UNC93A: variants seen among roughly 807,000 people sequenced by gnomAD.
UNC93A encodes the protein unc-93 homolog A.
In UNC93A, 43 loss-of-function variants were observed where a neutral mutation model predicts 47.5. The observed-to-expected ratio is 0.91, with a 90% CI of 0.71 to 1.17. The LOEUF is 1.17. UNC93A is among the 50% of genes most tolerant of loss of function. The pLI, the probability that UNC93A is intolerant of heterozygous loss-of-function variation, is 0.00. For synonymous variants in UNC93A, 280 were observed against 258.0 expected (o/e 1.09, Z -0.82); for missense variants, 605 against 577.6 (o/e 1.05, Z -0.49).
intron 7 of UNC93A, among the ~76,000 whole-genome samples, chr6:167,313,875 A>G (rs1778621636): frequency 6.6e-6 from 1 of 152,154 alleles, no homozygotes; most frequent in Non-Finnish European, 1.5e-5. Flanking sequence ...AGCCAACTAA[A>G]TCAAAATTTG....
At chr6:167,295,691 G>C (rs62438488) in intron 2 of UNC93A, among the ~76,000 whole-genome samples, 1,106 of 38,264 alleles carry the variant, frequency 0.029, 40 homozygotes, top group African/African-American at 0.069. Context: ...CTCCTCGCCT[G>C]CCTCGTGCTC....
At chr6:167,284,078 C>A (rs1002528703) in intron 1 of UNC93A, among the ~76,000 whole-genome samples, 1 of 152,132 alleles carries the variant, frequency 6.6e-6, no homozygotes, top group Non-Finnish European at 1.5e-5. Flanking sequence ...CAAACAAGTG[C>A]GAAACCCAGG....
At chr6:167,279,884 A>T (rs1213458277) in intron 1 of UNC93A, among the ~76,000 whole-genome samples, 1 of 152,244 alleles carries the variant, frequency 6.6e-6, no homozygotes, top group Non-Finnish European at 1.5e-5. Flanking sequence ...TATGACACTC[A>T]GTTGAATTTA....
At chr6:167,306,298 T>G (rs1319079984) in intron 6 of UNC93A, among the ~76,000 whole-genome samples, 1 of 152,176 alleles carries the variant, frequency 6.6e-6, no homozygotes, top group Non-Finnish European at 1.5e-5. Context: ...AAGTGCCTGC[T>G]CCGAGTGGGC....
intron 1 of UNC93A, among the ~76,000 whole-genome samples, chr6:167,274,736 C>T (rs1277085739): frequency 6.6e-6 from 1 of 152,086 alleles, no homozygotes; most frequent in African/African-American, 2.4e-5. Flanking sequence ...AAAACAATAC[C>T]AATGACAACA....
At chr6:167,309,361 T>C (rs1403335875) in intron 7 of UNC93A, among the ~76,000 whole-genome samples, 1 of 151,996 alleles carries the variant, frequency 6.6e-6, no homozygotes, top group Non-Finnish European at 1.5e-5. Flanking sequence ...GTGTTGAAAA[T>C]GACACAGATG....
At chr6:167,314,066 G>T (rs1778625237) in intron 7 of UNC93A, among the ~76,000 whole-genome samples, 1 of 152,164 alleles carries the variant, frequency 6.6e-6, no homozygotes, top group Admixed American at 6.5e-5. Context: ...AAGCGCATCT[G>T]CGTTGGTCTT....
At chr6:167,279,250 G>T (rs73790152) in intron 1 of UNC93A, among the ~76,000 whole-genome samples, 3,021 of 152,204 alleles carry the variant, frequency 0.02, 114 homozygotes, top group African/African-American at 0.069. Flanking sequence ...GATATATATA[G>T]AGAGAGATAG....
At chr6:167,300,775 G>A (rs954952520) in intron 4 of UNC93A, among the ~76,000 whole-genome samples, 1 of 152,108 alleles carries the variant, frequency 6.6e-6, no homozygotes, top group Admixed American at 6.5e-5. Flanking sequence ...GAGGCTGGGG[G>A]ACTCGGGGAC....
intron 1 of UNC93A, among the ~76,000 whole-genome samples, chr6:167,283,385 G>A (rs1404722990): frequency 1.3e-5 from 2 of 152,072 alleles, no homozygotes; most frequent in Admixed American, 6.5e-5. Context: ...AAGCAAGGAG[G>A]GTATAATGAG....
intron 1 of UNC93A, among the ~76,000 whole-genome samples, chr6:167,273,718 G>A (rs1354913374): frequency 7.2e-5 from 11 of 152,132 alleles, no homozygotes; most frequent in African/African-American, 2.7e-4. Context: ...CTGTACATCA[G>A]TTCAGACGGG....
At chr6:167,295,254 G>A (rs919033803) in intron 2 of UNC93A, among the ~76,000 whole-genome samples, 3 of 152,200 alleles carry the variant, frequency 2.0e-5, no homozygotes, top group Non-Finnish European at 4.4e-5. Flanking sequence ...GACCCTGGTT[G>A]TGCCAGGACA....
chr6:167,311,390 C>A (rs920781574), intron 7 of UNC93A, among the ~76,000 whole-genome samples: 1 of 152,206 alleles, frequency 6.6e-6, no homozygotes, highest in Non-Finnish European at 1.5e-5. Flanking sequence ...CTCCAGCCAT[C>A]CCCTGGCCTC....
chr6:167,283,463 G>T (rs1402767772), intron 1 of UNC93A, among the ~76,000 whole-genome samples: 2 of 152,098 alleles, frequency 1.3e-5, no homozygotes, highest in Non-Finnish European at 2.9e-5. Flanking sequence ...AATCCCCTTG[G>T]CTGAAAAGAG....
At chr6:167,305,440 G>A (rs183147842) in intron 5 of UNC93A, among the ~76,000 whole-genome samples, 2 of 152,178 alleles carry the variant, frequency 1.3e-5, no homozygotes, top group Non-Finnish European at 1.5e-5. Flanking sequence ...CCTTGAGGTC[G>A]CCCGTGATGG....
At chr6:167,312,682 A>G (rs1778593694) in intron 7 of UNC93A, among the ~76,000 whole-genome samples, 1 of 152,202 alleles carries the variant, frequency 6.6e-6, no homozygotes, top group South Asian at 2.1e-4. Context: ...TATGTGTTCA[A>G]TCTTTTACAT....
chr6:167,275,372 CTCTTCACACCCTTCCGTTT>C (rs1783522223), intron 1 of UNC93A, among the ~76,000 whole-genome samples: 4 of 152,208 alleles, frequency 2.6e-5, no homozygotes, highest in Admixed American at 6.5e-5. Flanking sequence ...CAGGTCAGTC[CTCTTCACACCCTTCCGTTT>C]CCCTAATGAT....
At chr6:167,280,193 A>G (rs2346171) in intron 1 of UNC93A, among the ~76,000 whole-genome samples, 19 of 152,210 alleles carry the variant, frequency 1.2e-4, no homozygotes, top group African/African-American at 3.9e-4. Context: ...ATGAGGTCTC[A>G]GGATCAGCAA....
At chr6:167,272,303 A>G (rs1212584267) in intron 1 of UNC93A, among the ~76,000 whole-genome samples, 2 of 152,338 alleles carry the variant, frequency 1.3e-5, no homozygotes, top group African/African-American at 4.8e-5. Context: ...TGCAGGTGGC[A>G]CAAATCTCTG....
Sources: allele counts gnomAD v4.1 joint callset (sites outside exome capture counted in the v4.1 genomes callset), GRCh38; gene constraint gnomAD v4.1.1; transcripts MANE v1.5; gene names NCBI Gene and HGNC (gene_info 2026-07-23, HGNC 2026-07-21).